The following JAM3 variants were observed in gnomAD, a reference collection of about 807,000 sequenced individuals.
JAM3 encodes junctional adhesion molecule 3, also known as junctional adhesion molecule C.
In JAM3, 31 loss-of-function variants were observed where a neutral mutation model predicts 39.4. The ratio of observed to expected loss-of-function variants is 0.79; its 90% CI spans 0.59 to 1.06. The LOEUF (loss-of-function observed/expected upper bound fraction) is 1.06, where lower values mean the gene tolerates loss of function less well. JAM3 is among the 50% of genes least tolerant of loss of function. The pLI is 0.00. For synonymous variants in JAM3, 182 were observed against 148.7 expected (o/e 1.22, Z -1.63); for missense variants, 455 against 391.4 (o/e 1.16, Z -1.37).
intron 1 of JAM3, chr11:134,139,544 G>A (rs887750030): frequency 7.9e-6 from 3 of 377,764 alleles, no homozygotes; most frequent in African/African-American, 6.3e-5. Context: ...GGGAGGAGAG[G>A]TGTCGAAGGG....
intron 6 of JAM3, 62 bp from the exon 7 acceptor site, chr11:134,148,484 CA>C (rs1943120354): frequency 6.2e-7 from 1 of 1,611,318 alleles, no homozygotes; most frequent in African/African-American, 1.3e-5. Context: ...ACAGCAGGGC[CA>C]GGGCCTTTTT....
At position 134,149,299 on chromosome 11, in the gene JAM3, T is replaced by C; in HGVS notation, c.*118T>C. On this transcript the variant is annotated 3_prime_UTR_variant, in exon 9 of 9. Coordinates refer to ENST00000299106, the MANE Select transcript of JAM3 (RefSeq NM_032801.5). ...CAGAGCTAGACACTCATTCAGAAGC[T>C]TTTCGTTTTGGCCAAAGTTGACCAC... 1 of 1,309,332 alleles carries C rather than the reference T, an allele frequency of 7.6e-7. No individual in the cohort carries two copies. Among genetic ancestry groups the C allele is most frequent in the South Asian group, 1.2e-5 (1 of 81,320 alleles). The allele number at this position is 1,309,332 out of a possible 1,614,324, so 81.1% of individuals were successfully genotyped here.
At chr11:134,110,210 G>A (rs889717316) in intron 1 of JAM3, among the ~76,000 whole-genome samples, 4 of 152,256 alleles carry the variant, frequency 2.6e-5, no homozygotes, top group East Asian at 3.9e-4. Context: ...CCCATCCATT[G>A]CAGGTGGGAA....
intron 1 of JAM3, among the ~76,000 whole-genome samples, chr11:134,120,269 C>T (rs12287552): frequency 0.15 from 23,183 of 152,192 alleles, 1,926 homozygotes; most frequent in African/African-American, 0.22. Context: ...CTAGTGCAGC[C>T]TCGCAGTAAT....
At chr11:134,139,743 G>C in intron 1 of JAM3, 108 bp from the exon 2 acceptor site, 1 of 838,410 alleles carries the variant, frequency 1.2e-6, no homozygotes, top group Non-Finnish European at 2.1e-6. Flanking sequence ...TCCATCCTCT[G>C]TGGTTAGTAA....
At chr11:134,071,757 G>A (rs1162339428) in intron 1 of JAM3, among the ~76,000 whole-genome samples, 1 of 152,046 alleles carries the variant, frequency 6.6e-6, no homozygotes, top group Non-Finnish European at 1.5e-5. Context: ...ACGTTTTTTA[G>A]AATGGCATAT....
intron 1 of JAM3, among the ~76,000 whole-genome samples, chr11:134,084,332 C>T (rs940817986): frequency 2.0e-5 from 3 of 152,132 alleles, no homozygotes; most frequent in South Asian, 2.1e-4. Flanking sequence ...ATAGCTAGAC[C>T]GAGGTTTGAA....
At position 134,151,236 on chromosome 11, in the gene JAM3, A is replaced by G. The variant is rs1943223433; in HGVS notation, c.*2055A>G. ...GAGACTGTGTTGACTTTTTTTAGTT[A>G]TGTGAAACACTTTGCCGCAGGCCGC... On this transcript the variant is annotated 3_prime_UTR_variant, in exon 9 of 9. Transcript: ENST00000299106. The G allele has an allele frequency of 6.6e-6, 1 of 152,130 alleles. No individual in the cohort carries two copies. Among genetic ancestry groups the G allele is most frequent in the Non-Finnish European group, 1.5e-5 (1 of 68,034 alleles). 9.4% of individuals were successfully genotyped at this position (152,130 alleles called of 1,614,324 possible).
chr11:134,079,320 A>C (rs1419478593), intron 1 of JAM3, among the ~76,000 whole-genome samples: 1 of 152,232 alleles, frequency 6.6e-6, no homozygotes, highest in African/African-American at 2.4e-5. Context: ...GCACCTACTT[A>C]GTCTACTAGT....
chr11:134,100,089 TTTAA>T lies in JAM3; in HGVS notation c.76+30935_76+30938del, dbSNP rs746080801. Among the ~76,000 whole-genome samples the T allele has an allele frequency of 1.2e-4, 18 of 152,346 alleles. No homozygotes were observed. In the East Asian group the frequency reaches 1.3e-3, roughly 11 times the overall value. ...TGACATGGGAGAGTGACATTATATCTTTAATTAAGATGTTAAATTCTTCTCAAAT... is the reference window on the plus strand; with the variant it reads ...TGACATGGGAGAGTGACATTATATCTTTAAGATGTTAAATTCTTCTCAAAT... On this transcript the variant is annotated intron_variant, in intron 1 of 8. Coordinates refer to ENST00000299106, the MANE Select transcript of JAM3 (RefSeq NM_032801.5).
chr11:134,093,078 G>T (rs369771705), intron 1 of JAM3, among the ~76,000 whole-genome samples: 8 of 66,128 alleles, frequency 1.2e-4, no homozygotes, highest in East Asian at 7.4e-4. Flanking sequence ...CATCTTATTC[G>T]TCATGTTCCA....
chr11:134,111,553 G>T (rs761837585), intron 1 of JAM3, among the ~76,000 whole-genome samples: 3 of 152,092 alleles, frequency 2.0e-5, no homozygotes, highest in Non-Finnish European at 4.4e-5. Context: ...CCATTAATTC[G>T]ATGTTAGGGA....
intron 1 of JAM3, among the ~76,000 whole-genome samples, chr11:134,118,927 G>A (rs904710320): frequency 6.6e-6 from 1 of 151,254 alleles, no homozygotes; most frequent in African/African-American, 2.4e-5. Context: ...GTTTTACTCT[G>A]GTGTTATCTG....
chr11:134,124,453 T>C (rs1942603588), intron 1 of JAM3: 1 of 500,582 alleles, frequency 2.0e-6, no homozygotes, highest in South Asian at 2.4e-5. Context: ...TATCAATCAG[T>C]GTTTTCTCTA....
At position 134,149,145 on chromosome 11, in the gene JAM3, G is replaced by A. The variant is rs1565508195; in HGVS notation, c.898-1G>A. 1 of 1,614,006 alleles carries A rather than the reference G, an allele frequency of 6.2e-7. No homozygotes were observed. Among genetic ancestry groups the A allele is most frequent in the Admixed American group, 1.7e-5 (1 of 60,012 alleles). ...GCTCTAACTGTGTGTTGGCTTTGCA[G>A]GGCGACTTCAGACACAAGTCATCGT... On this transcript the variant is annotated splice_acceptor_variant, in intron 8 of 8. Transcript: ENST00000299106. LOFTEE classifies it high-confidence loss of function.
intron 1 of JAM3, among the ~76,000 whole-genome samples, chr11:134,095,450 T>C (rs752632194): frequency 6.6e-6 from 1 of 152,018 alleles, no homozygotes; most frequent in Non-Finnish European, 1.5e-5. Flanking sequence ...GCCAACATGG[T>C]GAAACCCCAT....
chr11:134,147,638 C>A (rs972356378), intron 6 of JAM3, among the ~76,000 whole-genome samples: 1 of 151,744 alleles, frequency 6.6e-6, no homozygotes, highest in Non-Finnish European at 1.5e-5. Flanking sequence ...AGGCACCTGC[C>A]AACACGCTCA....
intron 1 of JAM3, among the ~76,000 whole-genome samples, chr11:134,133,521 C>G (rs573618744): frequency 2.1e-4 from 32 of 152,226 alleles, no homozygotes; most frequent in African/African-American, 7.7e-4. Flanking sequence ...TGCATTAGTT[C>G]AGATGCTTTT....
rs561067496 is a variant in JAM3, at chr11:134,071,962, T to C, written c.76+2803T>C. Among the ~76,000 whole-genome samples, 11 of 152,328 alleles carry C rather than the reference T, an allele frequency of 7.2e-5. No homozygotes were observed. The South Asian group carries it at 2.3e-3, about 32-fold the overall frequency. On this transcript the variant is annotated intron_variant, in intron 1 of 8. Transcript: ENST00000299106. ...CTAAGGAGACTGAATGGATAAGTAC[T>C]AGAGATACTTAATCATAAGTAATTG...
Sources: gnomAD v4.1 joint callset for allele counts (sites outside exome capture counted in the v4.1 genomes callset) on GRCh38, gnomAD v4.1.1 for gene constraint, MANE v1.5 for transcripts, NCBI Gene and HGNC (gene_info 2026-07-23, HGNC 2026-07-21) for gene names.